DPP6: variants seen among roughly 807,000 people sequenced by gnomAD.
DPP6 encodes the protein A-type potassium channel modulatory protein DPP6.
Under a neutral mutation model 122.6 loss-of-function variants are expected in DPP6, and 69 were observed. That is an observed-to-expected ratio of 0.56 (90% CI 0.46 to 0.69). The LOEUF is 0.69. Among genes scored for constraint, DPP6 ranks in the 30% least tolerant of loss-of-function variants. DPP6 has a pLI of 0.00. For missense variants in DPP6, 928 were observed against 1,116.9 expected (o/e 0.83, Z 2.41); for synonymous variants, 418 against 433.1 (o/e 0.97, Z 0.43).
chr7:154,093,457 C>T (rs1259420901), intron 1 of DPP6, among the ~76,000 whole-genome samples: 3 of 39,358 alleles, frequency 7.6e-5, no homozygotes, highest in Non-Finnish European at 1.1e-4. Context: ...ATACCACACA[C>T]ACCATATACC....
the DPP6 span, among the ~76,000 whole-genome samples, chr7:153,775,702 G>A: frequency 6.6e-6 from 1 of 152,132 alleles, no homozygotes; most frequent in East Asian, 1.9e-4. Context: ...CACAAAACAT[G>A]TTCTAGAACT....
At chr7:154,857,082 A>G (rs1403548937) in intron 17 of DPP6, among the ~76,000 whole-genome samples, 1 of 152,078 alleles carries the variant, frequency 6.6e-6, no homozygotes, top group Non-Finnish European at 1.5e-5. Flanking sequence ...CTCTAGGAAT[A>G]TTTCATCCCG....
intron 16 of DPP6, among the ~76,000 whole-genome samples, chr7:154,835,305 G>A (rs570690522): frequency 9.2e-5 from 14 of 152,232 alleles, no homozygotes; most frequent in South Asian, 2.1e-4. Flanking sequence ...GACAAGCCGC[G>A]GACTGATGGC....
chr7:154,269,274 T>G (rs4556011), intron 1 of DPP6, among the ~76,000 whole-genome samples: 63,771 of 151,600 alleles, frequency 0.42, 13,682 homozygotes, highest in South Asian at 0.54. Context: ...CCACTTAAAT[T>G]GAACTTATAA....
chr7:154,579,031 T>C (rs1263488245), intron 5 of DPP6, among the ~76,000 whole-genome samples: 1 of 152,174 alleles, frequency 6.6e-6, no homozygotes, highest in Non-Finnish European at 1.5e-5. Context: ...TCTTTCTGGC[T>C]GCCAGAGATA....
intron 4 of DPP6, among the ~76,000 whole-genome samples, chr7:154,563,899 CA>C (rs1324166336): frequency 1.3e-5 from 2 of 152,160 alleles, no homozygotes; most frequent in Non-Finnish European, 2.9e-5. Context: ...AATCCTCAGC[CA>C]GACTGCGCAT....
At chr7:154,018,553 A>G (rs1229056670) in intron 1 of DPP6, among the ~76,000 whole-genome samples, 1 of 152,352 alleles carries the variant, frequency 6.6e-6, no homozygotes, top group East Asian at 1.9e-4. Flanking sequence ...CAAGCTTTCT[A>G]AGCTCACAAC....
intron 1 of DPP6, among the ~76,000 whole-genome samples, chr7:154,031,984 C>G (rs1236979888): frequency 6.6e-6 from 1 of 151,062 alleles, no homozygotes; most frequent in African/African-American, 2.4e-5. Context: ...GCCTCAGCCT[C>G]CCGAGTAGCT....
intron 1 of DPP6, among the ~76,000 whole-genome samples, chr7:154,442,171 T>C (rs1819433220): frequency 6.6e-6 from 1 of 152,342 alleles, no homozygotes; most frequent in South Asian, 2.1e-4. Flanking sequence ...ACACAGTCTC[T>C]GTGCACTATG....
chr7:153,998,512 C>T (rs888505189), intron 1 of DPP6, among the ~76,000 whole-genome samples: 1 of 152,176 alleles, frequency 6.6e-6, no homozygotes, highest in Non-Finnish European at 1.5e-5. Flanking sequence ...GGACATCTGC[C>T]TCTACTACCT....
At chr7:154,805,264 A>G (rs1798624269) in intron 15 of DPP6, among the ~76,000 whole-genome samples, 2 of 152,128 alleles carry the variant, frequency 1.3e-5, no homozygotes, top group Admixed American at 1.3e-4. Context: ...ACTTCTATTC[A>G]ATGTCACCTC....
intron 12 of DPP6, among the ~76,000 whole-genome samples, chr7:154,799,440 T>C (rs4960616): frequency 0.11 from 17,085 of 152,150 alleles, 1,252 homozygotes; most frequent in African/African-American, 0.2. Context: ...TGCAGACCCA[T>C]GAGGATCCTC....
At chr7:154,683,995 A>C (rs1014074219) in intron 7 of DPP6, among the ~76,000 whole-genome samples, 8 of 152,096 alleles carry the variant, frequency 5.3e-5, no homozygotes, top group African/African-American at 1.9e-4. Flanking sequence ...CAGCCTCCTG[A>C]GTAGCTGGGA....
At position 154,618,146 on chromosome 7, in the gene DPP6, G is replaced by C. The variant is rs548111932; in HGVS notation, c.628-19675G>C. ...AAGGCTATTAAAGTTGCTGCTGGAA[G>C]GTTCCAGAGCTGTATGATCCCGGAA... is the stretch of plus-strand genomic sequence containing the variant. On this transcript the variant is annotated intron_variant, in intron 5 of 25. Transcript: ENST00000377770. The surrounding 1 kb of genome is among the most constrained non-coding windows in gnomAD (Gnocchi z 4.1). Among the ~76,000 whole-genome samples, 5 of 152,296 alleles carry C rather than the reference G, an allele frequency of 3.3e-5. No individual in the cohort carries two copies. Among genetic ancestry groups the C allele is most frequent in the African/African-American group, 1.2e-4 (5 of 41,554 alleles).
At chr7:154,178,810 C>A (rs538974022) in intron 1 of DPP6, among the ~76,000 whole-genome samples, 2 of 152,334 alleles carry the variant, frequency 1.3e-5, no homozygotes, top group Admixed American at 1.3e-4. Flanking sequence ...AGCCTTTAGA[C>A]TAGAGGCAGC....
At chr7:154,578,957 G>C (rs1056785545) in intron 5 of DPP6, among the ~76,000 whole-genome samples, 1 of 152,142 alleles carries the variant, frequency 6.6e-6, no homozygotes, top group African/African-American at 2.4e-5. Context: ...CAGTGGCTAG[G>C]CATCACTCCA....
chr7:154,111,534 A>G (rs1369131419), intron 1 of DPP6, among the ~76,000 whole-genome samples: 1 of 152,108 alleles, frequency 6.6e-6, no homozygotes, highest in African/African-American at 2.4e-5. Flanking sequence ...ATTTATGCCA[A>G]TGGTTAATGG....
chr7:154,338,619 G>C (rs1243721774), intron 1 of DPP6, among the ~76,000 whole-genome samples: 1 of 152,118 alleles, frequency 6.6e-6, no homozygotes, highest in East Asian at 1.9e-4. Flanking sequence ...GAAAGAGTGT[G>C]CTCGGGTTCA....
chr7:154,349,141 A>G (rs532287844), intron 1 of DPP6, among the ~76,000 whole-genome samples: 1 of 152,286 alleles, frequency 6.6e-6, no homozygotes, highest in Admixed American at 6.5e-5. Context: ...GGATTTTAAT[A>G]GTTAATTTTT....
Sources: allele counts gnomAD v4.1 joint callset (sites outside exome capture counted in the v4.1 genomes callset), GRCh38; gene constraint gnomAD v4.1.1; non-coding constraint Gnocchi (gnomAD v3.1); transcripts MANE v1.5; gene names NCBI Gene and HGNC (gene_info 2026-07-23, HGNC 2026-07-21).